The following CDK11B variants were observed in gnomAD, a reference collection of about 807,000 sequenced individuals.
CDK11B encodes cyclin dependent kinase 11B, also known as cyclin-dependent kinase 11B.
Under a neutral mutation model 84.0 loss-of-function variants are expected in CDK11B, and 37 were observed. The observed-to-expected ratio is 0.44, with a 90% CI of 0.34 to 0.58. CDK11B has a LOEUF of 0.58. Ranked by LOEUF, CDK11B falls within the 20% of genes least tolerant of loss-of-function variation. CDK11B has a pLI of 0.02. For synonymous variants in CDK11B, 269 were observed against 309.8 expected (o/e 0.87, Z 1.38); for missense variants, 427 against 834.0 (o/e 0.51, Z 6.01).
intron 3 of CDK11B, chr1:1,654,016 C>G (rs1376788422): frequency 2.5e-6 from 1 of 399,968 alleles, no homozygotes; most frequent in African/African-American, 2.1e-5. Flanking sequence ...GTCAAAGCAA[C>G]AACAACAACA....
chr1:1,652,774 G>T (rs1307910766), intron 3 of CDK11B, among the ~76,000 whole-genome samples: 2 of 150,860 alleles, frequency 1.3e-5, no homozygotes, highest in East Asian at 3.9e-4. Context: ...TCTGTTGCCC[G>T]GGCTATAGTG....
chr1:1,638,642 A>AG (rs1639758733), intron 11 of CDK11B, 52 bp from the exon 12 acceptor site: 4 of 1,239,034 alleles, frequency 3.2e-6, no homozygotes, highest in Non-Finnish European at 4.7e-6. Flanking sequence ...AGCTGGAGGG[A>AG]GGGCGGCTGC....
chr1:1,637,634 T>C, intron 13 of CDK11B, 121 bp from the exon 14 acceptor site: 1 of 1,608,660 alleles, frequency 6.2e-7, no homozygotes. Context: ...AAATGCTTGC[T>C]TCTGTGTGGT....
intron 10 of CDK11B, among the ~76,000 whole-genome samples, chr1:1,640,776 C>T (rs1276021224): frequency 4.6e-5 from 7 of 152,350 alleles, no homozygotes; most frequent in East Asian, 3.9e-4. Flanking sequence ...GGGACAGGCC[C>T]GGAGCCACCA....
Position 1,645,191 on chromosome 1 carries a change from C to T in CDK11B, c.566G>A (p.Arg189Gln), listed in dbSNP as rs1245402769. 3.0e-6 allele frequency: 3 copies of T among 984,916 alleles called. No homozygotes were observed. The highest frequency in any genetic ancestry group is 4.5e-6 in the Non-Finnish European group (3 of 666,116). 61.0% of individuals were successfully genotyped at this position (984,916 alleles called of 1,614,324 possible). Reference protein sequence around the residue: ...RKMREQQKEQREQKERERRAE... With the variant: ...RKMREQQKEQQEQKERERRAE... ...CCGCCGCTCGCGCTCCTTCTGCTCC[C>T]GCTGCTCCTTCTGCTGCTCCCGCAT... The change falls in exon 6 of 20, where the codon CGG becomes CAG. Residue 189 changes from arginine to glutamine, a missense_variant. Physicochemically the swap from Arg to Gln is conservative, Grantham distance 43 (BLOSUM62 1). Transcript: ENST00000341832.
chr1:1,652,192 G>C (rs1421095949), intron 4 of CDK11B, among the ~76,000 whole-genome samples: 1 of 151,688 alleles, frequency 6.6e-6, no homozygotes, highest in African/African-American at 2.4e-5. Flanking sequence ...TCTGGTTTTC[G>C]GTCTGTGACA....
chr1:1,637,406 A>G lies in CDK11B; in HGVS notation c.1570+2T>C. 6.2e-7 allele frequency: 1 copy of G among 1,613,456 alleles called. No individual in the cohort carries two copies. Among genetic ancestry groups the G allele is most frequent in the Non-Finnish European group, 8.5e-7 (1 of 1,179,666 alleles). On this transcript the variant is annotated splice_donor_variant, in intron 14 of 19. Transcript: ENST00000341832. LOFTEE classifies it high-confidence loss of function. The stretch of plus-strand genomic sequence containing the variant: ...AGACAGGCCCCTGGGGCGCGGCTGT[A>G]CCTGGCAGGAAGGGCTGTTTCATGG...
At chr1:1,653,825 TACACACACACACACAC>T (rs782129056) in intron 3 of CDK11B, among the ~76,000 whole-genome samples, 7 of 121,876 alleles carry the variant, frequency 5.7e-5, no homozygotes, top group Non-Finnish European at 9.6e-5. Context: ...CTACTAAAAA[TACACACACACACACAC>T]ACACACACAC....
At chr1:1,648,897 G>C (rs1641524558) in intron 5 of CDK11B, among the ~76,000 whole-genome samples, 1 of 152,052 alleles carries the variant, frequency 6.6e-6, no homozygotes, top group Non-Finnish European at 1.5e-5. Flanking sequence ...GCCTCCTAAA[G>C]TGCTAGGATT....
rs547311222 is a variant in CDK11B, at chr1:1,639,275, G to A, written c.1252-685C>T. Among the ~76,000 whole-genome samples, 3 of 151,974 alleles carry A rather than the reference G, an allele frequency of 2.0e-5. No individual in the cohort carries two copies. In the South Asian group the frequency reaches 6.2e-4, roughly 32 times the overall value. ...TTCTACAAAATAAAAAAATTAGCCAGGCATGGTGGCTTGCGCCTGTAGTTC... is the reference window on the plus strand; with the variant it reads ...TTCTACAAAATAAAAAAATTAGCCAAGCATGGTGGCTTGCGCCTGTAGTTC... On this transcript the variant is annotated intron_variant, in intron 11 of 19. Transcript: ENST00000341832.
chr1:1,636,984 C>T lies in CDK11B; in HGVS notation c.1713G>A (p.Ala571=), dbSNP rs368832250. ...CCTTCAGAGGGGATCCGTACTCCCGCGCCAGCCCGAAGTCACCCACCTGCA... is the reference window on the plus strand; with the variant it reads ...CCTTCAGAGGGGATCCGTACTCCCGTGCCAGCCCGAAGTCACCCACCTGCA... ...GILKVGDFGL[A]REYGSPLKAY... Residue 571 remains alanine, a synonymous_variant, in exon 16 of 20, where the codon GCG becomes GCA. Coordinates refer to ENST00000341832, the MANE Select transcript of CDK11B (RefSeq NM_033486.3). 20 of 1,611,484 alleles carry T rather than the reference C, an allele frequency of 1.2e-5. No homozygotes were observed. The African/African-American group carries it at 1.7e-4, about 14-fold the overall frequency.
intron 4 of CDK11B, among the ~76,000 whole-genome samples, chr1:1,650,618 G>A (rs1641877574): frequency 6.7e-6 from 1 of 149,830 alleles, no homozygotes; most frequent in South Asian, 2.1e-4. Flanking sequence ...GCCGGCCTCG[G>A]CCTCCCAAAG....
chr1:1,653,955 G>C (rs1319215125), intron 3 of CDK11B, among the ~76,000 whole-genome samples: 1 of 152,090 alleles, frequency 6.6e-6, no homozygotes, highest in African/African-American at 2.4e-5. Context: ...GTGGCAGTGA[G>C]CCGAGATCAT....
intron 13 of CDK11B, 112 bp from the exon 14 acceptor site, chr1:1,637,625 A>G: frequency 6.2e-7 from 1 of 1,608,782 alleles, no homozygotes; most frequent in Non-Finnish European, 8.5e-7. Flanking sequence ...CCGGGAGGCA[A>G]ATGCTTGCTT....
Position 1,637,100 on chromosome 1 carries a change from C to T in CDK11B, c.1673G>A (p.Ser558Asn), listed in dbSNP as rs763073129. ...GCTCACCTTGAGGATGCCGGCGTGG[C>T]TCAGCAGCAGGTTGGACGTCTTGAG... is the stretch of plus-strand genomic sequence containing the variant. ...RDLKTSNLLL[S>N]HAGILKVGDF... Residue 558 changes from serine (S) to asparagine (N), a missense_variant, in exon 15 of 20, where the codon AGC becomes AAC. Physicochemically the swap from Ser to Asn is conservative, Grantham distance 46 (BLOSUM62 1). Coordinates refer to ENST00000341832, the MANE Select transcript of CDK11B (RefSeq NM_033486.3). The T allele has an allele frequency of 1.2e-6, 2 of 1,613,644 alleles. No homozygotes were observed. Among genetic ancestry groups the T allele is most frequent in the East Asian group, 4.5e-5 (2 of 44,876 alleles).
intron 3 of CDK11B, among the ~76,000 whole-genome samples, chr1:1,655,069 G>A (rs372423069): frequency 3.1e-4 from 47 of 152,212 alleles, no homozygotes; most frequent in African/African-American, 1.0e-3. Context: ...TTACAAGTGT[G>A]AGCCACCACA....
chr1:1,645,859 G>T, intron 5 of CDK11B: 1 of 346,966 alleles, frequency 2.9e-6, no homozygotes, highest in Non-Finnish European at 5.6e-6. Flanking sequence ...TTTTTTTTGA[G>T]ACAGGGTCTT....
At chr1:1,654,759 C>T (rs563127785) in intron 3 of CDK11B, among the ~76,000 whole-genome samples, 1 of 151,768 alleles carries the variant, frequency 6.6e-6, no homozygotes, top group African/African-American at 2.4e-5. Flanking sequence ...CCTGGGTTCA[C>T]GCCATTCTCT....
Position 1,658,820 on chromosome 1 carries a change from G to A in CDK11B, c.-14+94C>T, listed in dbSNP as rs539863385. On this transcript the variant is annotated intron_variant, in intron 1 of 19. Transcript: ENST00000341832. ...GAGGGTGTCGCTCGCCCCCGGGCCCGGGTCCGCCCCGCTCCGAGGCCTGCT... is the reference window on the plus strand; with the variant it reads ...GAGGGTGTCGCTCGCCCCCGGGCCCAGGTCCGCCCCGCTCCGAGGCCTGCT... 1.1e-4 allele frequency: 17 copies of A among 154,274 alleles called. No individual in the cohort carries two copies. In the East Asian group the frequency reaches 2.7e-3, roughly 25 times the overall value. 9.6% of individuals were successfully genotyped at this position (154,274 alleles called of 1,614,324 possible). A position where few individuals can be genotyped will look rare whatever the true frequency, so the allele number is the denominator to read the frequency against.
Sources: allele counts gnomAD v4.1 joint callset (sites outside exome capture counted in the v4.1 genomes callset), GRCh38; gene constraint gnomAD v4.1.1; transcripts MANE v1.5; gene names NCBI Gene and HGNC (gene_info 2026-07-23, HGNC 2026-07-21).